The following RTN1 variants were observed in gnomAD, a reference collection of about 807,000 sequenced individuals.
The protein encoded by RTN1 is reticulon 1, also known as reticulon-1.
In RTN1, 25 loss-of-function variants were observed where a neutral mutation model predicts 65.5. The ratio of observed to expected loss-of-function variants is 0.38; its 90% CI spans 0.28 to 0.53. The LOEUF (loss-of-function observed/expected upper bound fraction) is 0.53. Among genes scored for constraint, RTN1 ranks in the 20% least tolerant of loss-of-function variants. The pLI is 0.79. For missense variants in RTN1, 983 were observed against 1,025.4 expected (o/e 0.96, Z 0.57); for synonymous variants, 471 against 447.6 (o/e 1.05, Z -0.66).
intron 1 of RTN1, among the ~76,000 whole-genome samples, chr14:59,830,311 T>C (rs907021891): frequency 6.6e-6 from 1 of 152,250 alleles, no homozygotes; most frequent in Non-Finnish European, 1.5e-5. Flanking sequence ...TCAAGTGCTT[T>C]CTGTAAGATT....
intron 3 of RTN1, among the ~76,000 whole-genome samples, chr14:59,693,394 G>A (rs147912986): frequency 3.4e-4 from 51 of 152,178 alleles, no homozygotes; most frequent in African/African-American, 1.2e-3. Context: ...AACAGGTGGT[G>A]TTTGGTTACA....
rs1284912993 is a variant in RTN1 at position 59,870,631 on chromosome 14, G to C, written c.-1C>G. On this transcript the variant is annotated 5_prime_UTR_variant, in exon 1 of 9. Coordinates refer to ENST00000267484, the MANE Select transcript of RTN1 (RefSeq NM_021136.3). The surrounding 1 kb of genome is among the most constrained non-coding windows in gnomAD (Gnocchi z 5.1). ...CCTGCGGATCCCCCGGCGCGGCCAT[G>C]GCTGGCGGTCCCCCGGCGCGGCGAC... 7.2e-7 allele frequency: 1 copy of C among 1,393,742 alleles called. No individual in the cohort carries two copies. Among genetic ancestry groups the C allele is most frequent in the Non-Finnish European group, 9.3e-7 (1 of 1,079,844 alleles). 86.3% of individuals were successfully genotyped at this position (1,393,742 alleles called of 1,614,324 possible).
At chr14:59,683,238 G>A (rs1313682180) in intron 3 of RTN1, among the ~76,000 whole-genome samples, 1 of 152,066 alleles carries the variant, frequency 6.6e-6, no homozygotes, top group Non-Finnish European at 1.5e-5. Context: ...TTAATTTTGT[G>A]TATTAACACA....
At chr14:59,644,786 G>A (rs1029745553) in intron 3 of RTN1, among the ~76,000 whole-genome samples, 77 of 152,038 alleles carry the variant, frequency 5.1e-4, no homozygotes, top group East Asian at 1.6e-3. Flanking sequence ...CTTGGCTGTC[G>A]TTGCCTTCAG....
chr14:59,810,824 C>T (rs1343895335), intron 1 of RTN1, among the ~76,000 whole-genome samples: 1 of 152,132 alleles, frequency 6.6e-6, no homozygotes, highest in Non-Finnish European at 1.5e-5. Context: ...GAGAACTAAA[C>T]AAGTCCCTGA....
intron 2 of RTN1, among the ~76,000 whole-genome samples, chr14:59,734,305 T>A (rs906914515): frequency 1.3e-5 from 2 of 152,048 alleles, no homozygotes; most frequent in African/African-American, 4.8e-5. Context: ...CTCTGAAAAC[T>A]CAAAAAGCTA....
chr14:59,750,233 T>TATA (rs1438538169), intron 1 of RTN1, among the ~76,000 whole-genome samples: 1 of 56,154 alleles, frequency 1.8e-5, no homozygotes, highest in Non-Finnish European at 3.0e-5. Context: ...ATCTATAATA[T>TATA]ATATATTATA....
intron 3 of RTN1, among the ~76,000 whole-genome samples, chr14:59,655,747 G>T (rs1351904669): frequency 2.0e-5 from 3 of 152,176 alleles, no homozygotes; most frequent in Non-Finnish European, 2.9e-5. Flanking sequence ...ATTTTCAACA[G>T]CAGTGTATTT....
At position 59,790,989 on chromosome 14, in the gene RTN1, A is replaced by G. The variant is rs1458511957; in HGVS notation, c.242-44508T>C. On this transcript the variant is annotated intron_variant, in intron 1 of 8. Coordinates refer to ENST00000267484, the MANE Select transcript of RTN1 (RefSeq NM_021136.3). This position sits in a 1 kb window ranked among gnomAD's most constrained non-coding sequence, Gnocchi z 4.1. ...GCAATATCATTTTGGCCCTCAATTC[A>G]TTTCTTTAGCTCTGGCATTTCCCTT... is the stretch of plus-strand genomic sequence containing the variant. Among the ~76,000 whole-genome samples, 1 of 151,984 alleles carries G rather than the reference A, an allele frequency of 6.6e-6. No individual in the cohort carries two copies. The highest frequency in any genetic ancestry group is 1.5e-5 in the Non-Finnish European group (1 of 67,978).
intron 2 of RTN1, among the ~76,000 whole-genome samples, chr14:59,744,982 G>C (rs1433768223): frequency 6.6e-6 from 1 of 152,168 alleles, no homozygotes; most frequent in Non-Finnish European, 1.5e-5. Context: ...ACGAAATATT[G>C]AACGATGAAG....
At chr14:59,859,778 C>T (rs973587513) in intron 1 of RTN1, among the ~76,000 whole-genome samples, 1 of 152,282 alleles carries the variant, frequency 6.6e-6, no homozygotes, top group African/African-American at 2.4e-5. Flanking sequence ...TTGCTGGGAA[C>T]TGGAGCAAAG....
At chr14:59,630,799 C>T (rs1363651399) in intron 3 of RTN1, 1 of 1,034,020 alleles carries the variant, frequency 9.7e-7, no homozygotes, top group Non-Finnish European at 1.2e-6. Context: ...ACCCTGGAGA[C>T]GGGTAAAGCG....
chr14:59,608,500 T>C (rs995401168), intron 3 of RTN1, among the ~76,000 whole-genome samples: 1 of 152,202 alleles, frequency 6.6e-6, no homozygotes, highest in Non-Finnish European at 1.5e-5. Context: ...CATGCCCTCA[T>C]GACAATGCAA....
Position 59,746,318 on chromosome 14 carries a change from G to A in RTN1, c.405C>T (p.Thr135=). The change falls in exon 2 of 9, where the codon ACC becomes ACT. Residue 135 remains threonine, a synonymous_variant. Coordinates refer to ENST00000267484, the MANE Select transcript of RTN1 (RefSeq NM_021136.3). The part of the protein sequence containing the change: ...GILQKENGHV[T]ISESPEELGT... The stretch of plus-strand genomic sequence containing the variant: ...CCAGCTCCTCAGGGCTCTCTGAAAT[G>A]GTGACGTGGCCATTTTCCTTCTGAA... 1 of 1,614,132 alleles carries A rather than the reference G, an allele frequency of 6.2e-7. No homozygotes were observed. Among genetic ancestry groups the A allele is most frequent in the Non-Finnish European group, 8.5e-7 (1 of 1,180,010 alleles).
At chr14:59,789,935 C>T (rs1259994005) in intron 1 of RTN1, among the ~76,000 whole-genome samples, 13 of 151,804 alleles carry the variant, frequency 8.6e-5, no homozygotes, top group Non-Finnish European at 1.2e-4. Context: ...TTTTACATGG[C>T]TTTTATAGGT....
At position 59,727,070 on chromosome 14, in the gene RTN1, AG is replaced by A; in HGVS notation, c.1613del (p.Pro538LeufsTer36). The A allele has an allele frequency of 6.2e-7, 1 of 1,612,624 alleles. No individual in the cohort carries two copies. Among genetic ancestry groups the A allele is most frequent in the East Asian group, 2.2e-5 (1 of 44,806 alleles). ...TEPQPGPELPPGDGALEPETP... is the reference protein window; with the variant it reads ...TEPQPGPELPXGDGALEPETP... ...TCTCAGGCTCCAGGGCTCCGTCTCC[AG>A]GGGGCAGCTCGGGGCCAGGCTGGGG... On this transcript the variant is annotated frameshift_variant, in exon 3 of 9. Coordinates refer to ENST00000267484, the MANE Select transcript of RTN1 (RefSeq NM_021136.3). LOFTEE classifies it high-confidence loss of function. The surrounding 1 kb of genome is among the most constrained non-coding windows in gnomAD (Gnocchi z 4.2).
intron 3 of RTN1, among the ~76,000 whole-genome samples, chr14:59,669,480 T>C (rs1883454587): frequency 1.3e-5 from 2 of 151,942 alleles, no homozygotes; most frequent in South Asian, 2.1e-4. Context: ...GGGGGAGGGA[T>C]AGCATTAGGA....
chr14:59,699,895 AAAAAG>A (rs1393418131), intron 3 of RTN1, among the ~76,000 whole-genome samples: 1 of 152,118 alleles, frequency 6.6e-6, no homozygotes, highest in Non-Finnish European at 1.5e-5. Context: ...TCTAAGGAAG[AAAAAG>A]AAAAGAATCA....
intron 1 of RTN1, among the ~76,000 whole-genome samples, chr14:59,857,985 C>A (rs1036223685): frequency 6.6e-6 from 1 of 152,160 alleles, no homozygotes; most frequent in Admixed American, 6.6e-5. Context: ...CTTCAAGAGA[C>A]CAGGTACATT....
Sources: allele counts gnomAD v4.1 joint callset (sites outside exome capture counted in the v4.1 genomes callset), GRCh38; gene constraint gnomAD v4.1.1; non-coding constraint Gnocchi (gnomAD v3.1); transcripts MANE v1.5; gene names NCBI Gene and HGNC (gene_info 2026-07-23, HGNC 2026-07-21).